The following MERTK variants were observed in gnomAD, a reference collection of about 807,000 sequenced individuals.
MERTK encodes MER proto-oncogene, tyrosine kinase.
Under a neutral mutation model 99.3 loss-of-function variants are expected in MERTK, and 69 were observed. The ratio of observed to expected loss-of-function variants is 0.70; its 90% CI spans 0.57 to 0.85. The LOEUF is 0.85. Ranked by LOEUF, MERTK falls within the 40% of genes least tolerant of loss-of-function variation. The probability of loss-of-function intolerance (pLI) is 0.00; values close to 1 mark genes in which losing one functional copy is unlikely to be tolerated. For missense variants in MERTK, 1,125 were observed against 1,249.4 expected, an observed-to-expected ratio of 0.90 and a Z score of 1.50; for synonymous variants, 426 against 467.6, an observed-to-expected ratio of 0.91 and a Z score of 1.15.
chr2:111,997,961 G>A (rs1676787646), intron 10 of MERTK, among the ~76,000 whole-genome samples: 1 of 152,208 alleles, frequency 6.6e-6, no homozygotes, highest in Admixed American at 6.5e-5. Context: ...CTGAGGCACA[G>A]GAATTGCTTG....
At position 111,957,271 on chromosome 2, in the gene MERTK, G is replaced by C. The variant is rs901172798; in HGVS notation, c.758-7920G>C. On this transcript the variant is annotated intron_variant, in intron 4 of 18. Coordinates refer to ENST00000295408, the MANE Select transcript of MERTK (RefSeq NM_006343.3). ...TCCATGTGGCCGCTGGAGCAATCCT[G>C]ATACAAGTCAGATCATATCAGCCCT... Among the ~76,000 whole-genome samples the C allele has an allele frequency of 2.0e-4, 31 of 152,060 alleles. 1 individual carries two copies. The highest frequency in any genetic ancestry group is 5.9e-4 in the Admixed American group (9 of 15,270).
At chr2:111,947,595 T>C in intron 4 of MERTK, 28 bp downstream of exon 4, 1 of 1,612,900 alleles carries the variant, frequency 6.2e-7, no homozygotes, top group Non-Finnish European at 8.5e-7. Context: ...GCTTATTGAT[T>C]TATTCTCTAA....
intron 18 of MERTK, among the ~76,000 whole-genome samples, chr2:112,025,707 C>T (rs1035555576): frequency 6.6e-6 from 1 of 152,210 alleles, no homozygotes; most frequent in Non-Finnish European, 1.5e-5. Context: ...CAGCCATCCT[C>T]AGAGCCAGGA....
rs773582806 is a variant in MERTK at position 111,898,824 on chromosome 2, G to A, written c.61+28G>A. 16 of 1,569,234 alleles carry A rather than the reference G, an allele frequency of 1.0e-5. No individual in the cohort carries two copies. The South Asian group carries it at 1.3e-4, about 13-fold the overall frequency. On this transcript the variant is annotated intron_variant, in intron 1 of 18. Coordinates refer to ENST00000295408, the MANE Select transcript of MERTK (RefSeq NM_006343.3). ...GAGTGCGCCCGGCTGGGGGCCAGGC[G>A]AGGGGGTGGGGGCTCCCAGGAGGAA...
chr2:112,019,084 A>G (rs913630924), intron 15 of MERTK, among the ~76,000 whole-genome samples: 4 of 152,014 alleles, frequency 2.6e-5, no homozygotes, highest in African/African-American at 9.7e-5. Flanking sequence ...TCCTCTGTGC[A>G]ATGCGTGTGC....
intron 1 of MERTK, among the ~76,000 whole-genome samples, chr2:111,928,882 T>G: frequency 6.6e-6 from 1 of 152,096 alleles, no homozygotes; most frequent in Admixed American, 6.6e-5. Flanking sequence ...ATAAGAAAAT[T>G]TTTATTTTTG....
chr2:111,955,776 A>G (rs1314060212), intron 4 of MERTK, among the ~76,000 whole-genome samples: 1 of 152,114 alleles, frequency 6.6e-6, no homozygotes, highest in African/African-American at 2.4e-5. Context: ...TTTCTTTTTT[A>G]AAGAATTTTA....
intron 9 of MERTK, among the ~76,000 whole-genome samples, chr2:111,994,885 T>C (rs1384400505): frequency 1.3e-5 from 2 of 152,104 alleles, no homozygotes; most frequent in East Asian, 1.9e-4. Context: ...CTGATACCCA[T>C]AGGTCCCTCC....
At chr2:111,970,838 TCTCCTCCTTCTC>T (rs1167000198) in intron 6 of MERTK, among the ~76,000 whole-genome samples, 12 of 123,882 alleles carry the variant, frequency 9.7e-5, no homozygotes, top group South Asian at 3.1e-4. Flanking sequence ...CCCTCCTCCT[TCTCCTCCTTCTC>T]CTCCTCCTTC....
chr2:111,987,549 G>A (rs1676508217), intron 8 of MERTK, among the ~76,000 whole-genome samples: 1 of 152,260 alleles, frequency 6.6e-6, no homozygotes, highest in African/African-American at 2.4e-5. Flanking sequence ...GATTTGATGT[G>A]TGGGCCCAGC....
intron 17 of MERTK, 75 bp downstream of exon 17, chr2:112,021,656 G>T: frequency 7.3e-7 from 1 of 1,376,404 alleles, no homozygotes; most frequent in Non-Finnish European, 1.0e-6. Context: ...ACCTCAGCTG[G>T]TATGGCAAGA....
chr2:111,920,020 G>C (rs1048242974), intron 1 of MERTK, among the ~76,000 whole-genome samples: 5 of 152,022 alleles, frequency 3.3e-5, no homozygotes, highest in Non-Finnish European at 7.4e-5. Flanking sequence ...CCAAGAAGCA[G>C]CCTGTGGGAA....
chr2:112,022,490 G>A (rs189891146), intron 18 of MERTK, 96 bp downstream of exon 18: 214 of 1,575,580 alleles, frequency 1.4e-4, no homozygotes, highest in Non-Finnish European at 1.7e-4. Context: ...AGGGGAAAGG[G>A]ACTGCTGTTA....
intron 5 of MERTK, among the ~76,000 whole-genome samples, chr2:111,966,885 T>C (rs938987626): frequency 1.3e-5 from 2 of 152,178 alleles, no homozygotes; most frequent in Non-Finnish European, 2.9e-5. Context: ...CACACCTTCC[T>C]CCTTCTCTCC....
At chr2:111,918,560 C>T (rs956307692) in intron 1 of MERTK, among the ~76,000 whole-genome samples, 1 of 152,218 alleles carries the variant, frequency 6.6e-6, no homozygotes, top group Admixed American at 6.5e-5. Flanking sequence ...AATTGGCATG[C>T]TGCCAGTGGA....
chr2:112,017,976 T>C (rs1036135973), intron 15 of MERTK, among the ~76,000 whole-genome samples: 1 of 152,174 alleles, frequency 6.6e-6, no homozygotes, highest in Non-Finnish European at 1.5e-5. Flanking sequence ...AGTAGCACAG[T>C]TCCAGAGTTG....
intron 13 of MERTK, 44 bp downstream of exon 13, chr2:112,004,028 T>G (rs985168582): frequency 6.5e-7 from 1 of 1,529,460 alleles, no homozygotes; most frequent in African/African-American, 1.4e-5. Flanking sequence ...GGTGGGCAGT[T>G]GCTTCAGTAT....
intron 16 of MERTK, among the ~76,000 whole-genome samples, chr2:112,019,982 C>T (rs1193314751): frequency 2.6e-5 from 4 of 152,238 alleles, no homozygotes; most frequent in African/African-American, 7.2e-5. Context: ...CTTCATTATA[C>T]AAGAAATGTG....
intron 3 of MERTK, among the ~76,000 whole-genome samples, chr2:111,946,489 G>A (rs1017704085): frequency 1.3e-5 from 2 of 152,126 alleles, no homozygotes; most frequent in African/African-American, 2.4e-5. Context: ...GTACTGACTG[G>A]CTTTCTCTGA....
Sources: gnomAD v4.1 joint callset for allele counts (sites outside exome capture counted in the v4.1 genomes callset) on GRCh38, gnomAD v4.1.1 for gene constraint, MANE v1.5 for transcripts, NCBI Gene and HGNC (gene_info 2026-07-23, HGNC 2026-07-21) for gene names.